Variants in RHBDF1 observed in about 807,000 individuals in gnomAD.
RHBDF1 encodes the protein rhomboid 5 homolog 1.
A neutral mutation model predicts 98.6 loss-of-function variants in RHBDF1; 80 were observed. That is an observed-to-expected ratio of 0.81 (90% CI 0.68 to 0.98). The LOEUF (loss-of-function observed/expected upper bound fraction) is 0.98, where lower values mean the gene tolerates loss of function less well. Ranked by LOEUF, RHBDF1 falls within the 50% of genes least tolerant of loss-of-function variation. RHBDF1 has a pLI of 0.00. For missense variants in RHBDF1, 1,116 were observed against 1,198.3 expected, an observed-to-expected ratio of 0.93 and a Z score of 1.01; for synonymous variants, 512 against 486.8, an observed-to-expected ratio of 1.05 and a Z score of -0.68.
At chr16:62,235 G>A in intron 7 of RHBDF1, 183 bp from the exon 8 acceptor site, 1 of 857,952 alleles carries the variant, frequency 1.2e-6, no homozygotes, top group South Asian at 1.8e-5. Flanking sequence ...CAGGGAGCTG[G>A]AACGGGGACA....
chr16:66,875 C>A (rs1176568916), intron 1 of RHBDF1, among the ~76,000 whole-genome samples: 1 of 152,218 alleles, frequency 6.6e-6, no homozygotes. Flanking sequence ...CCCCAGAGTG[C>A]AACAGGGTCG....
At chr16:75,936 A>T (rs911120020), upstream of RHBDF1, among the ~76,000 whole-genome samples, 5 of 152,136 alleles carry the variant, frequency 3.3e-5, no homozygotes, top group Non-Finnish European at 5.9e-5. Context: ...CATAAGGCTG[A>T]TACTAGAACC....
At position 61,741 on chromosome 16, in the gene RHBDF1, C is replaced by T. The variant is rs778438223; in HGVS notation, c.1209-45G>A. 6.2e-6 allele frequency: 10 copies of T among 1,611,676 alleles called. No homozygotes were observed. The East Asian group carries it at 2.2e-4, about 36-fold the overall frequency. On this transcript the variant is annotated intron_variant, in intron 8 of 17. Transcript: ENST00000262316. ...CGGGGGCCTCATCCCCGACCCGGAG[C>T]CCCCACCCTCCCCCGGGAGCCTCCA...
chr16:69,193 A>G (rs1342253763), intron 1 of RHBDF1, among the ~76,000 whole-genome samples: 5 of 152,150 alleles, frequency 3.3e-5, no homozygotes, highest in Non-Finnish European at 4.4e-5. Flanking sequence ...AAGAGACTAG[A>G]GAGAAGCTCT....
Position 59,420 on chromosome 16 carries a change from T to C in RHBDF1, c.1892A>G (p.Gln631Arg). 1 of 1,613,748 alleles carries C rather than the reference T, an allele frequency of 6.2e-7. No homozygotes were observed. Among genetic ancestry groups the C allele is most frequent in the Non-Finnish European group, 8.5e-7 (1 of 1,179,878 alleles). ...ACGACGGACACTCTGCAGACCTACC[T>C]GAGAGCAGAGCGTGGCCTCCTCATG... ...YFHEEATLCS[Q>R]VHCMDDVCGL... The change falls in exon 15 of 18, where the codon CAG becomes CGG. Residue 631 changes from glutamine (Q) to arginine (R), a missense_variant and splice_region_variant. Physicochemically the swap from Gln to Arg is conservative, Grantham distance 43. Transcript: ENST00000262316.
upstream of RHBDF1, among the ~76,000 whole-genome samples, chr16:75,129 A>G (rs75307641): frequency 9.9e-3 from 1,499 of 152,118 alleles, 26 homozygotes; most frequent in African/African-American, 0.033. Context: ...GGAGCCCCCT[A>G]TACGGAAACC....
Position 58,761 on chromosome 16 carries a change from T to G in RHBDF1, c.2149-2A>C. 6.2e-7 allele frequency: 1 copy of G among 1,611,448 alleles called. No homozygotes were observed. Reference sequence around the variant, plus strand: ...GAACTGGGAGCCAGCAGGACCCACCTGGGGGATGGTTGGGGTAGCTGTAAG... The same window carrying G: ...GAACTGGGAGCCAGCAGGACCCACCGGGGGGATGGTTGGGGTAGCTGTAAG... On this transcript the variant is annotated splice_acceptor_variant, in intron 17 of 17. Transcript: ENST00000262316. LOFTEE classifies it high-confidence loss of function.
At chr16:66,411 T>C (rs1897831340) in intron 1 of RHBDF1, among the ~76,000 whole-genome samples, 1 of 152,060 alleles carries the variant, frequency 6.6e-6, no homozygotes, top group Non-Finnish European at 1.5e-5. Flanking sequence ...GGCAGCACAA[T>C]TAGAGACAGC....
chr16:72,655 G>T, upstream of RHBDF1: 1 of 971,950 alleles, frequency 1.0e-6, no homozygotes, highest in Non-Finnish European at 1.2e-6. Context: ...GCGTGCGCCC[G>T]GGGGCGGGCC....
chr16:74,196 G>A (rs919866829), upstream of RHBDF1, among the ~76,000 whole-genome samples: 3 of 152,072 alleles, frequency 2.0e-5, no homozygotes, highest in Non-Finnish European at 2.9e-5. Context: ...CCCATGCCAG[G>A]CTCACAGCCA....
In RHBDF1 at chr16:62,871, A is replaced by G; in HGVS notation, c.699T>C (p.Phe233=). The part of the protein sequence containing the change: ...MKGRSVRDGT[F]RRAQRRSFTP... ...TGAAGCTTCGACGCTGTGCCCGGCG[A>G]AAGGTGCCATCCCTAACGGAGCGGC... The change falls in exon 6 of 18, where the codon TTT becomes TTC. Residue 233 remains phenylalanine (F), a synonymous_variant. Coordinates refer to ENST00000262316, the MANE Select transcript of RHBDF1 (RefSeq NM_022450.5). The G allele has an allele frequency of 6.2e-7, 1 of 1,613,924 alleles. No individual in the cohort carries two copies. The highest frequency in any genetic ancestry group is 8.5e-7 in the Non-Finnish European group (1 of 1,179,962).
At chr16:66,623 C>G (rs938787698) in intron 1 of RHBDF1, among the ~76,000 whole-genome samples, 1 of 152,310 alleles carries the variant, frequency 6.6e-6, no homozygotes, top group African/African-American at 2.4e-5. Context: ...TCTTACCCCA[C>G]CCCTCACGCT....
chr16:75,711 T>C (rs949742511), upstream of RHBDF1, among the ~76,000 whole-genome samples: 17 of 152,094 alleles, frequency 1.1e-4, no homozygotes, highest in Non-Finnish European at 1.8e-4. Context: ...GTGGCTGCCT[T>C]CTCTGCCCAA....
intron 13 of RHBDF1, 72 bp downstream of exon 13, chr16:60,144 A>C (rs1897552890): frequency 1.2e-6 from 2 of 1,609,902 alleles, no homozygotes; most frequent in South Asian, 2.2e-5. Context: ...TGGTATCACC[A>C]GTGGGTGGGG....
intron 7 of RHBDF1, 23 bp downstream of exon 7, chr16:62,515 T>C (rs216604): frequency 0.84 from 1,357,868 of 1,608,146 alleles, 574,488 homozygotes; most frequent in African/African-American, 0.96. Flanking sequence ...TCTCTGCCCC[T>C]CTTCCCTGCC....
chr16:59,907 G>T lies in RHBDF1; in HGVS notation c.1723-81C>A, dbSNP rs1897544665. On this transcript the variant is annotated intron_variant, in intron 13 of 17. Coordinates refer to ENST00000262316, the MANE Select transcript of RHBDF1 (RefSeq NM_022450.5). ...CACCACGTTTGGGGGTAGAGGCAAA[G>T]ATGGGTGGGCTCATAAAGCAGAAAA... 1.4e-5 allele frequency: 22 copies of T among 1,599,744 alleles called. No homozygotes were observed. The South Asian group carries it at 2.5e-4, about 18-fold the overall frequency.
At chr16:73,866 T>G, upstream of RHBDF1, 2 of 918,778 alleles carry the variant, frequency 2.2e-6, no homozygotes, top group Non-Finnish European at 2.6e-6. Context: ...GGCCTGCTCC[T>G]TGGCTAGACA....
At chr16:59,995 G>A (rs1897547333) in intron 13 of RHBDF1, 169 bp from the exon 14 acceptor site, 1 of 1,478,110 alleles carries the variant, frequency 6.8e-7, no homozygotes, top group Non-Finnish European at 9.0e-7. Context: ...CTGGAATAAT[G>A]TCACTTGACC....
chr16:64,976 G>T lies in RHBDF1; in HGVS notation c.40C>A (p.Arg14Ser). 6.4e-7 allele frequency: 1 copy of T among 1,554,216 alleles called. No individual in the cohort carries two copies. Among genetic ancestry groups the T allele is most frequent in the Non-Finnish European group, 8.7e-7 (1 of 1,147,418 alleles). Residue 14 changes from arginine (R) to serine (S), a missense_variant, in exon 2 of 18, where the codon CGC becomes AGC. Physicochemically the swap from Arg to Ser is moderately radical, Grantham distance 110. Transcript: ENST00000262316. ...ARRDSTSSLQ[R>S]KKPPWLKLDI... The stretch of plus-strand genomic sequence containing the variant: ...AGCTTTAGCCAGGGTGGCTTCTTGC[G>T]CTGCAGGCTGCTCGTGCTGTCCCTG...
Sources: gnomAD v4.1 joint callset for allele counts (sites outside exome capture counted in the v4.1 genomes callset) on GRCh38, gnomAD v4.1.1 for gene constraint, MANE v1.5 for transcripts, NCBI Gene and HGNC (gene_info 2026-07-23, HGNC 2026-07-21) for gene names.